Variants in SSUH2 observed in about 807,000 individuals in gnomAD.
SSUH2 encodes ssu-2 homolog.
In SSUH2, 47 loss-of-function variants were observed where a neutral mutation model predicts 55.3. The ratio of observed to expected loss-of-function variants is 0.85; its 90% CI spans 0.67 to 1.08. The LOEUF (loss-of-function observed/expected upper bound fraction) is 1.08. Ranked by LOEUF, SSUH2 falls within the 50% of genes least tolerant of loss-of-function variation. The probability of loss-of-function intolerance (pLI) is 0.00; values close to 1 mark genes in which losing one functional copy is unlikely to be tolerated. For missense variants in SSUH2, 535 were observed against 490.7 expected, an observed-to-expected ratio of 1.09 and a Z score of -0.85; for synonymous variants, 212 against 191.5, an observed-to-expected ratio of 1.11 and a Z score of -0.89.
At chr3:8,641,871 C>T (rs140213711) in intron 1 of SSUH2, among the ~76,000 whole-genome samples, 33 of 152,084 alleles carry the variant, frequency 2.2e-4, no homozygotes, top group African/African-American at 7.7e-4. Context: ...CAGGGGCATT[C>T]TATGAACAAG....
At chr3:8,631,997 G>C in intron 5 of SSUH2, 52 bp downstream of exon 5, 1 of 1,442,166 alleles carries the variant, frequency 6.9e-7, no homozygotes, top group South Asian at 1.1e-5. Flanking sequence ...TTTTCCACCA[G>C]CACCCTGACT....
chr3:8,629,633 C>CTGACTCACCAGTGCTTCACAGA (rs1698345125), intron 7 of SSUH2, 31 bp downstream of exon 7: 3 of 1,587,708 alleles, frequency 1.9e-6, no homozygotes, highest in Non-Finnish European at 8.6e-7. Flanking sequence ...CACACCCTCA[C>CTGACTCACCAGTGCTTCACAGA]TGACTCACCA....
intron 10 of SSUH2, among the ~76,000 whole-genome samples, chr3:8,624,890 C>T (rs918412265): frequency 2.0e-5 from 3 of 152,134 alleles, no homozygotes; most frequent in Non-Finnish European, 4.4e-5. Flanking sequence ...AAGGCCTCTG[C>T]CCCACTGTCC....
exon 4 of SSUH2, chr3:8,671,980 A>G (rs1471270127): frequency 6.6e-6 from 1 of 152,040 alleles, no homozygotes; most frequent in African/African-American, 2.4e-5. Flanking sequence ...CACCAACTAT[A>G]TTATAGACGG....
rs753312050 is a variant in SSUH2 at position 8,619,928 on chromosome 3, G to C, written c.1068C>G (p.Asp356Glu). The C allele has an allele frequency of 5.0e-6, 8 of 1,614,228 alleles. No individual in the cohort carries two copies. The highest frequency in any genetic ancestry group is 6.8e-6 in the Non-Finnish European group (8 of 1,180,024). ...GATAGTCCACCGCATACACCTGGTG[G>C]TCAGTGCCATAGATGTAGTAGACAT... is the stretch of plus-strand genomic sequence containing the variant. ...KTYVYYIYGT[D>E]HQVYAVDYPE... The change falls in exon 12 of 12, where the codon GAC becomes GAG. Residue 356 changes from aspartate to glutamate, a missense_variant. By Grantham distance (45) the Asp-to-Glu change is conservative (BLOSUM62 2). Coordinates refer to ENST00000544814, the MANE Select transcript of SSUH2 (RefSeq NM_001256748.3).
chr3:8,667,374 T>C (rs1313740942), intron 5 of SSUH2, among the ~76,000 whole-genome samples: 1 of 152,232 alleles, frequency 6.6e-6, no homozygotes, highest in African/African-American at 2.4e-5. Flanking sequence ...TAGCGTATAA[T>C]GAACAATGAG....
chr3:8,625,144 G>C (rs1012399998), intron 10 of SSUH2, among the ~76,000 whole-genome samples: 1 of 151,910 alleles, frequency 6.6e-6, no homozygotes, highest in Non-Finnish European at 1.5e-5. Context: ...TGTTTTATTT[G>C]CCATGGTCTA....
rs528864819 is a variant in SSUH2, at chr3:8,632,111, T to A, written c.340-2A>T. Reference sequence around the variant, plus strand: ...TTCACTAAAGGTCTCCAGACGGTACTAAAAGGAAAAAAACAGCATGTTCAC... The same window carrying A: ...TTCACTAAAGGTCTCCAGACGGTACAAAAAGGAAAAAAACAGCATGTTCAC... On this transcript the variant is annotated splice_acceptor_variant, in intron 4 of 11. Coordinates refer to ENST00000544814, the MANE Select transcript of SSUH2 (RefSeq NM_001256748.3). LOFTEE classifies it high-confidence loss of function. 5.0e-6 allele frequency: 8 copies of A among 1,613,516 alleles called. No individual in the cohort carries two copies. The Admixed American group carries it at 1.3e-4, about 27-fold the overall frequency.
chr3:8,629,620 C>T (rs773167046), intron 7 of SSUH2, 44 bp downstream of exon 7: 3 of 1,606,524 alleles, frequency 1.9e-6, no homozygotes, highest in Non-Finnish European at 1.7e-6. Flanking sequence ...ATCCCCCGGC[C>T]ACCACACCCT....
intron 5 of SSUH2, chr3:8,664,013 GT>G: frequency 5.7e-6 from 2 of 348,876 alleles, no homozygotes; most frequent in South Asian, 4.3e-5. Context: ...GGAGACCCAG[GT>G]TATTTCTCTC....
chr3:8,652,900 T>C (rs1032080917), intron 7 of SSUH2, among the ~76,000 whole-genome samples: 2 of 152,174 alleles, frequency 1.3e-5, no homozygotes, highest in Admixed American at 1.3e-4. Flanking sequence ...AATATAAGCA[T>C]GTGACTGACT....
chr3:8,628,919 G>C (rs1000290352), intron 7 of SSUH2, among the ~76,000 whole-genome samples: 1 of 152,212 alleles, frequency 6.6e-6, no homozygotes, highest in Admixed American at 6.5e-5. Flanking sequence ...GCAGTGGCAC[G>C]TTCTCCGCTC....
chr3:8,630,140 A>G (rs1185630615), intron 6 of SSUH2, among the ~76,000 whole-genome samples: 1 of 152,232 alleles, frequency 6.6e-6, no homozygotes, highest in Non-Finnish European at 1.5e-5. Flanking sequence ...TTTAATCACT[A>G]ATTTAAAATA....
At chr3:8,675,750 G>A (rs35534080) in intron 3 of SSUH2, among the ~76,000 whole-genome samples, 9 of 152,224 alleles carry the variant, frequency 5.9e-5, no homozygotes, top group Non-Finnish European at 8.8e-5. Flanking sequence ...GGCTGGGACC[G>A]GGAACCTTTG....
intron 5 of SSUH2, 113 bp downstream of exon 5, chr3:8,631,932 GCTCC>G: frequency 1.3e-6 from 1 of 785,720 alleles, no homozygotes; most frequent in Non-Finnish European, 2.2e-6. Context: ...GGAAGCCAAG[GCTCC>G]AAGCAGAAGA....
At chr3:8,624,535 T>C (rs949302148) in intron 10 of SSUH2, among the ~76,000 whole-genome samples, 3 of 152,140 alleles carry the variant, frequency 2.0e-5, no homozygotes, top group African/African-American at 4.8e-5. Context: ...CACCTCCCTA[T>C]AGTTTGAGGA....
At chr3:8,678,894 AG>A (rs1705682137) in intron 2 of SSUH2, among the ~76,000 whole-genome samples, 1 of 101,026 alleles carries the variant, frequency 9.9e-6, no homozygotes, top group African/African-American at 3.4e-5. Flanking sequence ...ATTGCAAGGG[AG>A]GGAGGCACCC....
chr3:8,639,932 G>A, intron 1 of SSUH2: 2 of 982,514 alleles, frequency 2.0e-6, no homozygotes, highest in South Asian at 4.7e-5. Flanking sequence ...AAGTGTTAGG[G>A]GAACAGCAAA....
chr3:8,670,244 T>C (rs1277806587), intron 5 of SSUH2, among the ~76,000 whole-genome samples: 2 of 152,136 alleles, frequency 1.3e-5, no homozygotes, highest in Admixed American at 6.5e-5. Flanking sequence ...AGGGGTGTTT[T>C]TGTGTACCAG....
Sources: allele counts gnomAD v4.1 joint callset (sites outside exome capture counted in the v4.1 genomes callset), GRCh38; gene constraint gnomAD v4.1.1; transcripts MANE v1.5; gene names NCBI Gene and HGNC (gene_info 2026-07-23, HGNC 2026-07-21).